The following ACTN1 variants were observed in gnomAD, a reference collection of about 807,000 sequenced individuals.
ACTN1 encodes alpha-actinin-1.
ACTN1 carries 30 observed loss-of-function variants against 119.6 expected under a neutral mutation model. The ratio of observed to expected loss-of-function variants is 0.25; its 90% CI spans 0.19 to 0.34. The LOEUF (loss-of-function observed/expected upper bound fraction) is 0.34, where lower values mean the gene tolerates loss of function less well. Among genes scored for constraint, ACTN1 ranks in the 10% least tolerant of loss-of-function variants. The pLI is 1.00. For synonymous variants in ACTN1, 429 were observed against 472.6 expected (o/e 0.91, Z 1.20); for missense variants, 764 against 1,223.4 (o/e 0.62, Z 5.60).
At chr14:68,955,992 G>A (rs1039191379) in intron 1 of ACTN1, among the ~76,000 whole-genome samples, 13 of 152,176 alleles carry the variant, frequency 8.5e-5, no homozygotes, top group Non-Finnish European at 2.9e-5. Flanking sequence ...CCTGGAGGAA[G>A]AGTAAATAAG....
At chr14:68,937,475 G>A (rs1447851397) in intron 1 of ACTN1, among the ~76,000 whole-genome samples, 1 of 151,872 alleles carries the variant, frequency 6.6e-6, no homozygotes, top group East Asian at 1.9e-4. Context: ...TATAATATAG[G>A]GAAAAGGCTC....
At chr14:68,921,800 C>A (rs142534584) in intron 2 of ACTN1, among the ~76,000 whole-genome samples, 390 of 152,278 alleles carry the variant, frequency 2.6e-3, no homozygotes, top group Non-Finnish European at 4.5e-3. Flanking sequence ...ATCTGAGAAC[C>A]ACAGTTCTTG....
intron 1 of ACTN1, among the ~76,000 whole-genome samples, chr14:68,968,274 C>T (rs1256095754): frequency 6.6e-6 from 1 of 152,188 alleles, no homozygotes; most frequent in African/African-American, 2.4e-5. Flanking sequence ...CGAACGCCAC[C>T]GCAGAGGCAG....
intron 4 of ACTN1, 76 bp downstream of exon 4, chr14:68,912,080 T>C: frequency 7.3e-7 from 1 of 1,378,708 alleles, no homozygotes; most frequent in Admixed American, 1.7e-5. Context: ...TTGCCCTGGG[T>C]ATGGGAGTTC....
intron 1 of ACTN1, among the ~76,000 whole-genome samples, chr14:68,945,910 T>C (rs28657981): frequency 0.029 from 4,431 of 152,224 alleles, 192 homozygotes; most frequent in African/African-American, 0.1. Flanking sequence ...GCCCCAAGTG[T>C]TCTACCAGTG....
intron 1 of ACTN1, among the ~76,000 whole-genome samples, chr14:68,970,571 A>C (rs2140674524): frequency 6.6e-6 from 1 of 152,328 alleles, no homozygotes; most frequent in South Asian, 2.1e-4. Context: ...AACTGAAGGA[A>C]CCAAAACAAG....
chr14:68,875,096 T>C (rs2030739317), intron 21 of ACTN1, 79 bp from the exon 22 acceptor site: 5 of 1,586,934 alleles, frequency 3.2e-6, no homozygotes, highest in Non-Finnish European at 4.3e-6. Flanking sequence ...CCGCAAAGCC[T>C]GGCGGCGTGA....
intron 1 of ACTN1, among the ~76,000 whole-genome samples, chr14:68,940,052 T>C (rs1024245315): frequency 8.5e-5 from 13 of 152,170 alleles, no homozygotes; most frequent in Non-Finnish European, 1.8e-4. Flanking sequence ...TGGCACCCGC[T>C]CCGGGAGGCC....
intron 1 of ACTN1, among the ~76,000 whole-genome samples, chr14:68,927,976 C>T (rs1440950997): frequency 1.3e-5 from 2 of 152,208 alleles, no homozygotes; most frequent in Non-Finnish European, 2.9e-5. Flanking sequence ...ACTCCCAGTC[C>T]CCCAGCACTG....
rs1415264766 is a variant in ACTN1 at position 68,925,095 on chromosome 14, G to T, written c.220+463C>A. ...CAGGACTCCCACCCCTTAAGGGATG[G>T]TGGCAGAAAGGCATTCATAAGCAGG... On this transcript the variant is annotated intron_variant, in intron 2 of 21. Transcript: ENST00000394419. The surrounding 1 kb of genome is among the most constrained non-coding windows in gnomAD (Gnocchi z 4.3). 1.3e-5 allele frequency among the ~76,000 whole-genome samples: 2 copies of T among 152,208 alleles called. No homozygotes were observed. Among genetic ancestry groups the T allele is most frequent in the Admixed American group, 6.5e-5 (1 of 15,292 alleles).
At chr14:68,937,196 C>T (rs2035569921) in intron 1 of ACTN1, among the ~76,000 whole-genome samples, 1 of 151,088 alleles carries the variant, frequency 6.6e-6, no homozygotes, top group Admixed American at 6.6e-5. Flanking sequence ...AGTCACTGTC[C>T]TTGTAAAGTT....
At position 68,874,201 on chromosome 14, in the gene ACTN1, A is replaced by G. The variant is rs1438598063; in HGVS notation, c.*658T>C. Reference sequence around the variant, plus strand: ...TGTCCATACTCTCCAAGTTTGTCCTATTTTTAATAGACAATATTAAAAATT... The same window carrying G: ...TGTCCATACTCTCCAAGTTTGTCCTGTTTTTAATAGACAATATTAAAAATT... On this transcript the variant is annotated 3_prime_UTR_variant, in exon 22 of 22. Coordinates refer to ENST00000394419, the MANE Select transcript of ACTN1 (RefSeq NM_001130004.2). 5 of 152,298 alleles carry G rather than the reference A, an allele frequency of 3.3e-5. No individual in the cohort carries two copies. Among genetic ancestry groups the G allele is most frequent in the Non-Finnish European group, 7.4e-5 (5 of 68,022 alleles). 9.4% of individuals were successfully genotyped at this position (152,298 alleles called of 1,614,324 possible).
intron 1 of ACTN1, among the ~76,000 whole-genome samples, chr14:68,962,748 A>AG (rs1272145744): frequency 6.6e-5 from 10 of 152,232 alleles, no homozygotes; most frequent in Non-Finnish European, 1.3e-4. Context: ...GACAGCCTGG[A>AG]GCCTGCTCTA....
At chr14:68,954,930 G>A (rs1289631919) in intron 1 of ACTN1, among the ~76,000 whole-genome samples, 1 of 152,150 alleles carries the variant, frequency 6.6e-6, no homozygotes, top group East Asian at 1.9e-4. Context: ...GAAGTGTCCT[G>A]GAGATCCTTT....
chr14:68,959,397 T>C (rs574169447), intron 1 of ACTN1, among the ~76,000 whole-genome samples: 1 of 152,210 alleles, frequency 6.6e-6, no homozygotes, highest in South Asian at 2.1e-4. Context: ...GACAGCACTG[T>C]TTACTGCACC....
chr14:68,937,121 C>T (rs751893654), intron 1 of ACTN1, among the ~76,000 whole-genome samples: 3 of 152,026 alleles, frequency 2.0e-5, no homozygotes, highest in Admixed American at 6.6e-5. Flanking sequence ...TTCCTGGCCC[C>T]GTCTCTCACC....
chr14:68,898,971 C>G (rs573775552), intron 8 of ACTN1, among the ~76,000 whole-genome samples: 1 of 148,704 alleles, frequency 6.7e-6, no homozygotes, highest in African/African-American at 2.5e-5. Context: ...ACACACACAC[C>G]ACACACGCCA....
Position 68,882,686 on chromosome 14 carries a change from G to T in ACTN1, c.1819-94C>A. 1 of 1,568,422 alleles carries T rather than the reference G, an allele frequency of 6.4e-7. No homozygotes were observed. Among genetic ancestry groups the T allele is most frequent in the Non-Finnish European group, 8.7e-7 (1 of 1,151,136 alleles). The stretch of plus-strand genomic sequence containing the variant: ...TGGAGGACCCAGAAGGGGAAGGGCC[G>T]GTCAGTAACAGAACAGGAGTAAAGG... On this transcript the variant is annotated intron_variant, in intron 15 of 21. Coordinates refer to ENST00000394419, the MANE Select transcript of ACTN1 (RefSeq NM_001130004.2). The surrounding 1 kb of genome is among the most constrained non-coding windows in gnomAD (Gnocchi z 4.5).
chr14:68,941,781 G>A lies in ACTN1; in HGVS notation c.106-16109C>T, dbSNP rs76226339. On this transcript the variant is annotated intron_variant, in intron 1 of 21. Coordinates refer to ENST00000394419, the MANE Select transcript of ACTN1 (RefSeq NM_001130004.2). Reference sequence around the variant, plus strand: ...TGCCCTTGTCTACTAAACGGTCCCAGGTAGCATCAAGGGATCATGGGGGAC... The same window carrying A: ...TGCCCTTGTCTACTAAACGGTCCCAAGTAGCATCAAGGGATCATGGGGGAC... Among the ~76,000 whole-genome samples, 13 of 152,252 alleles carry A rather than the reference G, an allele frequency of 8.5e-5. No homozygotes were observed. The East Asian group carries it at 2.5e-3, about 29-fold the overall frequency.
Sources: gnomAD v4.1 joint callset for allele counts (sites outside exome capture counted in the v4.1 genomes callset) on GRCh38, gnomAD v4.1.1 for gene constraint, Gnocchi (gnomAD v3.1) non-coding constraint, MANE v1.5 for transcripts, NCBI Gene and HGNC (gene_info 2026-07-23, HGNC 2026-07-21) for gene names.